The following FGF1 variants were observed in gnomAD, a reference collection of about 807,000 sequenced individuals.
FGF1 encodes the protein beta-endothelial cell growth factor.
Under a neutral mutation model 13.4 loss-of-function variants are expected in FGF1, and 9 were observed. That is an observed-to-expected ratio of 0.67 (90% CI 0.40 to 1.17). FGF1 has a LOEUF of 1.17. Among genes scored for constraint, FGF1 ranks in the 50% most tolerant of loss-of-function variants. The probability of loss-of-function intolerance (pLI) is 0.01; values close to 1 mark genes in which losing one functional copy is unlikely to be tolerated. For synonymous variants in FGF1, 93 were observed against 79.0 expected (o/e 1.18, Z -0.94); for missense variants, 156 against 192.7 (o/e 0.81, Z 1.13).
intron 2 of FGF1, among the ~76,000 whole-genome samples, chr5:142,610,756 T>C (rs1241890303): frequency 6.6e-6 from 1 of 152,224 alleles, no homozygotes; most frequent in Non-Finnish European, 1.5e-5. Context: ...CCACCTTCTC[T>C]GCAGGCTAGA....
chr5:142,678,647 T>C (rs1773112282), intron 1 of FGF1, among the ~76,000 whole-genome samples: 1 of 152,132 alleles, frequency 6.6e-6, no homozygotes, highest in Admixed American at 6.6e-5. Context: ...TTCGCCACAG[T>C]CCCTGATGAA....
upstream of FGF1, among the ~76,000 whole-genome samples, chr5:142,687,134 T>C (rs1051522535): frequency 6.6e-6 from 1 of 152,068 alleles, no homozygotes; most frequent in Non-Finnish European, 1.5e-5. Context: ...TGTGTGTGTG[T>C]GCACGCATGC....
chr5:142,608,255 TC>T, intron 2 of FGF1, among the ~76,000 whole-genome samples: 1 of 152,240 alleles, frequency 6.6e-6, no homozygotes, highest in Non-Finnish European at 1.5e-5. Flanking sequence ...GCTTTCCGCC[TC>T]TGCTCTCCAA....
chr5:142,649,573 A>AT (rs1766831903), intron 1 of FGF1, among the ~76,000 whole-genome samples: 1 of 151,088 alleles, frequency 6.6e-6, no homozygotes, highest in East Asian at 2.0e-4. Context: ...CGCCCGGCTA[A>AT]TTTTTTTGTA....
In FGF1 at chr5:142,673,580, A is replaced by C. The variant is rs548125642; in HGVS notation, c.-35+12377T>G. On this transcript the variant is annotated intron_variant, in intron 1 of 3. Coordinates refer to ENST00000337706, the MANE Select transcript of FGF1 (RefSeq NM_000800.5). Reference sequence around the variant, plus strand: ...TGGGATATGGTTCTATGAGCTCTTTAGAAGGAAGATGTTTGGTATCAAGCT... The same window carrying C: ...TGGGATATGGTTCTATGAGCTCTTTCGAAGGAAGATGTTTGGTATCAAGCT... 2.0e-5 allele frequency among the ~76,000 whole-genome samples: 3 copies of C among 152,272 alleles called. No individual in the cohort carries two copies. In the East Asian group the frequency reaches 5.8e-4, roughly 29 times the overall value.
At chr5:142,616,125 C>T (rs375009484) in intron 1 of FGF1, among the ~76,000 whole-genome samples, 15 of 152,356 alleles carry the variant, frequency 9.8e-5, no homozygotes, top group East Asian at 9.6e-4. Context: ...AGCAGCTGTG[C>T]GGAGCTGCTC....
At chr5:142,598,024 C>A (rs1755659516) in intron 3 of FGF1, among the ~76,000 whole-genome samples, 1 of 152,136 alleles carries the variant, frequency 6.6e-6, no homozygotes, top group South Asian at 2.1e-4. Flanking sequence ...CATATTGGAA[C>A]AAGATGAGAT....
At chr5:142,687,837 G>A (rs573179375), upstream of FGF1, among the ~76,000 whole-genome samples, 12 of 152,264 alleles carry the variant, frequency 7.9e-5, no homozygotes, top group African/African-American at 1.7e-4. Flanking sequence ...GGTTAACCCC[G>A]TGTTAACCTG....
At chr5:142,679,616 C>T (rs561721279) in intron 1 of FGF1, among the ~76,000 whole-genome samples, 42 of 152,286 alleles carry the variant, frequency 2.8e-4, no homozygotes, top group Admixed American at 7.8e-4. Context: ...GTAGGCCCAT[C>T]CCAATCCCCT....
At chr5:142,647,606 A>G (rs183423847) in intron 1 of FGF1, among the ~76,000 whole-genome samples, 57 of 152,338 alleles carry the variant, frequency 3.7e-4, no homozygotes, top group Admixed American at 1.6e-3. Context: ...CCAAATCTAA[A>G]TACTAAATTC....
chr5:142,617,825 A>G (rs925422540), intron 1 of FGF1, among the ~76,000 whole-genome samples: 5 of 152,170 alleles, frequency 3.3e-5, no homozygotes, highest in Admixed American at 6.5e-5. Flanking sequence ...TAATTTACCT[A>G]TAGTTTGAGC....
chr5:142,651,037 G>C (rs1767138903), intron 1 of FGF1, among the ~76,000 whole-genome samples: 1 of 152,292 alleles, frequency 6.6e-6, no homozygotes, highest in Non-Finnish European at 1.5e-5. Flanking sequence ...TGCAAACGCA[G>C]CTTCAATGTC....
chr5:142,669,365 G>A (rs1395137758), intron 1 of FGF1, among the ~76,000 whole-genome samples: 1 of 152,320 alleles, frequency 6.6e-6, no homozygotes, highest in African/African-American at 2.4e-5. Flanking sequence ...GCCAGTCGAG[G>A]ACAGAAGCAT....
chr5:142,621,550 A>C (rs1471700949), intron 1 of FGF1, among the ~76,000 whole-genome samples: 1 of 151,964 alleles, frequency 6.6e-6, no homozygotes, highest in Non-Finnish European at 1.5e-5. Context: ...ATTCACATAT[A>C]CCAGTTTAGG....
intron 2 of FGF1, among the ~76,000 whole-genome samples, chr5:142,613,461 C>T (rs1759514518): frequency 6.6e-6 from 1 of 152,256 alleles, no homozygotes; most frequent in Non-Finnish European, 1.5e-5. Flanking sequence ...GGGAAAGCTG[C>T]ATAATTTATG....
At chr5:142,641,030 A>G (rs1039567882) in intron 1 of FGF1, among the ~76,000 whole-genome samples, 3 of 152,056 alleles carry the variant, frequency 2.0e-5, no homozygotes, top group Admixed American at 6.5e-5. Context: ...ACATATTACA[A>G]AAGGAGAAGA....
At chr5:142,687,378 C>A (rs1751427699), upstream of FGF1, among the ~76,000 whole-genome samples, 1 of 152,154 alleles carries the variant, frequency 6.6e-6, no homozygotes, top group Admixed American at 6.5e-5. Context: ...GAGCTCGTGT[C>A]CTGTACTAAA....
intron 1 of FGF1, among the ~76,000 whole-genome samples, chr5:142,628,562 G>A (rs370559521): frequency 6.6e-5 from 10 of 152,330 alleles, no homozygotes; most frequent in South Asian, 2.1e-4. Context: ...AAACTCATCC[G>A]TCAAACATGG....
chr5:142,696,377 G>C (rs1753112979), intron 2 of FGF1, among the ~76,000 whole-genome samples: 1 of 152,136 alleles, frequency 6.6e-6, no homozygotes, highest in South Asian at 2.1e-4. Context: ...ATCATTTCTG[G>C]GGAAACACCC....
Sources: allele counts gnomAD v4.1 joint callset (sites outside exome capture counted in the v4.1 genomes callset), GRCh38; gene constraint gnomAD v4.1.1; transcripts MANE v1.5; gene names NCBI Gene and HGNC (gene_info 2026-07-23, HGNC 2026-07-21).